Variants in PTPRK observed in about 807,000 individuals in gnomAD.
PTPRK encodes protein tyrosine phosphatase receptor type K.
PTPRK carries 75 observed loss-of-function variants against 178.0 expected under a neutral mutation model. The observed-to-expected ratio is 0.42, with a 90% CI of 0.35 to 0.51. The LOEUF (loss-of-function observed/expected upper bound fraction) is 0.51. Ranked by LOEUF, PTPRK falls within the 20% of genes least tolerant of loss-of-function variation. PTPRK has a pLI of 0.02. For missense variants in PTPRK, 1,441 were observed against 1,797.8 expected (o/e 0.80, Z 3.59); for synonymous variants, 637 against 620.6 (o/e 1.03, Z -0.39).
At chr6:128,122,416 A>G (rs930491245) in intron 7 of PTPRK, among the ~76,000 whole-genome samples, 9 of 152,202 alleles carry the variant, frequency 5.9e-5, no homozygotes, top group Non-Finnish European at 1.0e-4. Flanking sequence ...AAATTGAAAA[A>G]GCACTATTGA....
rs1191071330 is a variant in PTPRK at position 127,969,022 on chromosome 6, C to G, written c.*1205G>C. On this transcript the variant is annotated 3_prime_UTR_variant, in exon 30 of 30. Coordinates refer to ENST00000368226, the MANE Select transcript of PTPRK (RefSeq NM_002844.4). ...GGAATCTGGCATTGATTTGTTCACA[C>G]TTTTTATAGTCAGAACGCAAAGCTT... The G allele has an allele frequency of 6.6e-6, 1 of 152,164 alleles. No individual in the cohort carries two copies. The highest frequency in any genetic ancestry group is 2.4e-5 in the African/African-American group (1 of 41,450). 9.4% of individuals were successfully genotyped at this position (152,164 alleles called of 1,614,324 possible).
intron 3 of PTPRK, among the ~76,000 whole-genome samples, chr6:128,294,682 GT>G (rs1823975106): frequency 6.6e-6 from 1 of 151,994 alleles, no homozygotes; most frequent in Admixed American, 6.6e-5. Flanking sequence ...TATATCTGCA[GT>G]AAAAAACAAA....
At chr6:128,104,955 G>A (rs2114291893) in intron 7 of PTPRK, among the ~76,000 whole-genome samples, 1 of 152,242 alleles carries the variant, frequency 6.6e-6, no homozygotes. Context: ...TAAACATAAA[G>A]ATGAAAATCT....
At position 128,427,414 on chromosome 6, in the gene PTPRK, C is replaced by T. The variant is rs1584666816; in HGVS notation, c.101-29726G>A. On this transcript the variant is annotated intron_variant, in intron 1 of 29. Coordinates refer to ENST00000368226, the MANE Select transcript of PTPRK (RefSeq NM_002844.4). ...GTACACAGGAACTACTGTGCAGTTACATTCATGGCTGAAGAGCCACTCCTA... is the reference window on the plus strand; with the variant it reads ...GTACACAGGAACTACTGTGCAGTTATATTCATGGCTGAAGAGCCACTCCTA... Among the ~76,000 whole-genome samples, 2 of 152,150 alleles carry T rather than the reference C, an allele frequency of 1.3e-5. 1 individual carries two copies. The highest frequency in any genetic ancestry group is 1.3e-4 in the Admixed American group (2 of 15,280).
rs768818869 is a variant in PTPRK at position 128,115,768 on chromosome 6, T to A, written c.1163-25776A>T. ...TATAATTAAAACCTGAATGTTAATGTTCACATGGTATTACAGTGAACAAGT... is the reference window on the plus strand; with the variant it reads ...TATAATTAAAACCTGAATGTTAATGATCACATGGTATTACAGTGAACAAGT... On this transcript the variant is annotated intron_variant, in intron 7 of 29. Coordinates refer to ENST00000368226, the MANE Select transcript of PTPRK (RefSeq NM_002844.4). Among the ~76,000 whole-genome samples the A allele has an allele frequency of 8.3e-4, 127 of 152,254 alleles. 1 individual carries two copies. Among genetic ancestry groups the A allele is most frequent in the Admixed American group, 5.2e-4 (8 of 15,286 alleles).
chr6:128,186,437 T>A (rs1802776572), intron 6 of PTPRK, among the ~76,000 whole-genome samples: 1 of 152,068 alleles, frequency 6.6e-6, no homozygotes, highest in Admixed American at 6.6e-5. Flanking sequence ...GATGATAACA[T>A]ATGCTATATG....
At chr6:128,188,148 C>T (rs1264930724) in intron 6 of PTPRK, among the ~76,000 whole-genome samples, 2 of 152,024 alleles carry the variant, frequency 1.3e-5, no homozygotes, top group Non-Finnish European at 2.9e-5. Flanking sequence ...TAAACTTTGC[C>T]GATGTTACCA....
intron 1 of PTPRK, among the ~76,000 whole-genome samples, chr6:128,481,462 TAGATA>T (rs1852069189): frequency 6.6e-6 from 1 of 152,178 alleles, no homozygotes; most frequent in African/African-American, 2.4e-5. Flanking sequence ...GAACAAAGAT[TAGATA>T]AATGAATGGA....
chr6:128,399,647 C>T (rs1341068797), intron 1 of PTPRK, among the ~76,000 whole-genome samples: 1 of 152,152 alleles, frequency 6.6e-6, no homozygotes, highest in African/African-American at 2.4e-5. Flanking sequence ...GCCTTCAGGG[C>T]CCCCATTACC....
chr6:128,160,628 G>T (rs1798572527), intron 7 of PTPRK, among the ~76,000 whole-genome samples: 1 of 151,548 alleles, frequency 6.6e-6, no homozygotes, highest in African/African-American at 2.4e-5. Context: ...CCTTACTCTT[G>T]CTTTCCTAAA....
chr6:127,983,149 C>T lies in PTPRK; in HGVS notation c.3387+93G>A, dbSNP rs535463529. On this transcript the variant is annotated intron_variant, in intron 23 of 29. Coordinates refer to ENST00000368226, the MANE Select transcript of PTPRK (RefSeq NM_002844.4). ...GATTACACATGAAAAACATCTCTTT[C>T]GGTTGAGTAGAGTATATATGAGAGA... is the stretch of plus-strand genomic sequence containing the variant. The T allele has an allele frequency of 1.2e-4, 156 of 1,324,178 alleles. No individual in the cohort carries two copies. In the African/African-American group the frequency reaches 1.7e-3, roughly 15 times the overall value. The allele number at this position is 1,324,178 out of a possible 1,614,324, so 82.0% of individuals were successfully genotyped here.
chr6:128,520,411 C>A lies in PTPRK; in HGVS notation c.-53G>T, dbSNP rs1858881570. ...CTTTGCAAAGAGCTGCCGGGGGGATCGCCGCGAAATCCACGACGGAGGAGC... is the reference window on the plus strand; with the variant it reads ...CTTTGCAAAGAGCTGCCGGGGGGATAGCCGCGAAATCCACGACGGAGGAGC... On this transcript the variant is annotated 5_prime_UTR_variant, in exon 1 of 30. Coordinates refer to ENST00000368226, the MANE Select transcript of PTPRK (RefSeq NM_002844.4). 3.3e-6 allele frequency: 5 copies of A among 1,533,632 alleles called. No individual in the cohort carries two copies. The highest frequency in any genetic ancestry group is 2.4e-5 in the South Asian group (2 of 84,096).
intron 1 of PTPRK, among the ~76,000 whole-genome samples, chr6:128,505,323 C>T (rs916769104): frequency 6.6e-6 from 1 of 151,258 alleles, no homozygotes; most frequent in African/African-American, 2.4e-5. Context: ...TGCCTGCTAT[C>T]CCAGCTACTC....
chr6:128,140,947 T>A, intron 7 of PTPRK, among the ~76,000 whole-genome samples: 1 of 151,996 alleles, frequency 6.6e-6, no homozygotes, highest in East Asian at 1.9e-4. Context: ...GTACCATGTA[T>A]AAGGGAGAAT....
chr6:128,259,010 T>A (rs1817774528), intron 3 of PTPRK, among the ~76,000 whole-genome samples: 1 of 152,138 alleles, frequency 6.6e-6, no homozygotes, highest in Non-Finnish European at 1.5e-5. Context: ...CATGTGTTTT[T>A]AAAAGATCAG....
Position 128,386,961 on chromosome 6 carries a change from A to G in PTPRK, c.223+10605T>C, listed in dbSNP as rs553993130. Among the ~76,000 whole-genome samples, 227 of 152,242 alleles carry G rather than the reference A, an allele frequency of 1.5e-3. 1 individual carries two copies. Among genetic ancestry groups the G allele is most frequent in the African/African-American group, 5.1e-3 (212 of 41,556 alleles). On this transcript the variant is annotated intron_variant, in intron 2 of 29. Coordinates refer to ENST00000368226, the MANE Select transcript of PTPRK (RefSeq NM_002844.4). ...TGCATGCCTGTAATCCCAGCTACTC[A>G]GGTGGCTGAGGCAGGAGAATCGGTT... is the stretch of plus-strand genomic sequence containing the variant.
intron 27 of PTPRK, 72 bp from the exon 28 acceptor site, chr6:127,973,899 A>C: frequency 7.0e-7 from 1 of 1,420,944 alleles, no homozygotes; most frequent in South Asian, 1.3e-5. Context: ...AGGTGCATAT[A>C]ATTTACAATA....
intron 1 of PTPRK, among the ~76,000 whole-genome samples, chr6:128,455,350 G>A (rs1848266138): frequency 6.6e-6 from 1 of 152,082 alleles, no homozygotes; most frequent in African/African-American, 2.4e-5. Context: ...TTAGTCTCAT[G>A]TCAATTCTCT....
chr6:128,077,053 T>A (rs1293548529), intron 11 of PTPRK, among the ~76,000 whole-genome samples: 1 of 152,054 alleles, frequency 6.6e-6, no homozygotes, highest in Non-Finnish European at 1.5e-5. Context: ...ATATGCTGTG[T>A]TTGCAACTTA....
Sources: gnomAD v4.1 joint callset for allele counts (sites outside exome capture counted in the v4.1 genomes callset) on GRCh38, gnomAD v4.1.1 for gene constraint, MANE v1.5 for transcripts, NCBI Gene and HGNC (gene_info 2026-07-23, HGNC 2026-07-21) for gene names.